Variants in KRT25 observed in about 807,000 individuals in gnomAD.
KRT25 encodes the protein keratin 25, also known as keratin, type I cytoskeletal 25.
KRT25 carries 37 observed loss-of-function variants against 47.6 expected under a neutral mutation model. The ratio of observed to expected loss-of-function variants is 0.78; its 90% confidence interval spans 0.60 to 1.02. The LOEUF (loss-of-function observed/expected upper bound fraction) is 1.02, where lower values mean the gene tolerates loss of function less well. Ranked by LOEUF, KRT25 falls within the 50% of genes least tolerant of loss-of-function variation. The probability of loss-of-function intolerance (pLI) is 0.00; values close to 1 mark genes in which losing one functional copy is unlikely to be tolerated. For missense variants in KRT25, 542 were observed against 550.3 expected (o/e 0.98, Z 0.15); for synonymous variants, 203 against 210.2 (o/e 0.97, Z 0.30).
In KRT25 at chr17:40,754,487, CTT is replaced by C; in HGVS notation, c.430-21_430-20del. 1 of 1,602,090 alleles carries C rather than the reference CTT, an allele frequency of 6.2e-7. No individual in the cohort carries two copies. Among genetic ancestry groups the C allele is most frequent in the Middle Eastern group, 1.7e-4 (1 of 6,038 alleles). On this transcript the variant is annotated intron_variant, in intron 1 of 7. Coordinates refer to ENST00000312150, the MANE Select transcript of KRT25 (RefSeq NM_181534.4). ...CGATGATCTAGAAATGGGAATTTGA[CTT>C]TTATCATGAAGTAAACCAACTGAAT...
rs376170685 is a variant in KRT25 at position 40,751,059 on chromosome 17, C to G, written c.852G>C (p.Gln284His). The change falls in exon 5 of 8, where the codon CAG (glutamine) becomes CAC (histidine). Residue 284 changes from glutamine (Q) to histidine (H), a missense_variant. Physicochemically the swap from Gln to His is conservative, Grantham distance 24. Transcript: ENST00000312150. ...FNEKSASLQQ[Q>H]ISEDVGATTS... ...TTGTGGCTCCGACATCCTCAGAGAT[C>G]TGCTGCTGCAGGGAGGCGCTCTGAA... 1 of 1,614,062 alleles carries G rather than the reference C, an allele frequency of 6.2e-7. No homozygotes were observed. Among genetic ancestry groups the G allele is most frequent in the Non-Finnish European group, 8.5e-7 (1 of 1,180,038 alleles).
intron 3 of KRT25, among the ~76,000 whole-genome samples, chr17:40,752,878 C>T (rs2038063258): frequency 6.6e-6 from 1 of 152,108 alleles, no homozygotes; most frequent in South Asian, 2.1e-4. Flanking sequence ...TTTAAAATAT[C>T]AAATTTATTT....
At chr17:40,751,933 C>A (rs2038054577) in intron 3 of KRT25, among the ~76,000 whole-genome samples, 1 of 151,026 alleles carries the variant, frequency 6.6e-6, no homozygotes, top group South Asian at 2.1e-4. Flanking sequence ...GGAAGAACAT[C>A]ATCCCCTAAA....
upstream of KRT25, chr17:40,755,368 T>A (rs1256937749): frequency 9.0e-7 from 1 of 1,112,106 alleles, no homozygotes; most frequent in African/African-American, 1.6e-5. Context: ...TATAGGCAAG[T>A]CCCAAGTGTG....
In KRT25 at chr17:40,753,683, C is replaced by CA. The variant is rs60610884; in HGVS notation, c.669+176dup. Among the ~76,000 whole-genome samples, 31 of 30,466 alleles carry CA rather than the reference C, an allele frequency of 1.0e-3. 7 individuals carry two copies. The highest frequency in any genetic ancestry group is 1.3e-3 in the Non-Finnish European group (19 of 14,890). 20.0% of individuals were successfully genotyped at this position (30,466 alleles called of 152,430 possible). ...TGGACGGCAGAGCGAGACTCCGTCT[C>CA]AAAAAAAAAAAAAAAAAAAAAAAAA... On this transcript the variant is annotated intron_variant, in intron 3 of 7. Coordinates refer to ENST00000312150, the MANE Select transcript of KRT25 (RefSeq NM_181534.4).
rs879393037 is a variant in KRT25 at position 40,751,889 on chromosome 17, T to C, written c.670-563A>G. On this transcript the variant is annotated intron_variant, in intron 3 of 7. Coordinates refer to ENST00000312150, the MANE Select transcript of KRT25 (RefSeq NM_181534.4). Reference sequence around the variant, plus strand: ...GTGTGTGTGTGTGTGCGTGCGTGTGTGTGTGTGTGTGTGTGTGTGTGTGTA... The same window carrying C: ...GTGTGTGTGTGTGTGCGTGCGTGTGCGTGTGTGTGTGTGTGTGTGTGTGTA... 8.4e-3 allele frequency among the ~76,000 whole-genome samples: 621 copies of C among 73,600 alleles called. 1 individual carries two copies. Among genetic ancestry groups the C allele is most frequent in the African/African-American group, 0.015 (495 of 33,590 alleles). The allele number at this position is 73,600 out of a possible 152,430, so 48.3% of individuals were successfully genotyped here.
intron 6 of KRT25, 41 bp downstream of exon 6, chr17:40,750,339 T>G (rs769374668): frequency 1.3e-5 from 20 of 1,598,646 alleles, no homozygotes; most frequent in Admixed American, 1.7e-5. Context: ...TGCAAGCAGA[T>G]TTCAGTATAT....
Position 40,748,211 on chromosome 17 carries a change from G to T in KRT25, c.*66C>A. 1 of 1,048,326 alleles carries T rather than the reference G, an allele frequency of 9.5e-7. No individual in the cohort carries two copies. Among genetic ancestry groups the T allele is most frequent in the South Asian group, 1.5e-5 (1 of 64,624 alleles). The allele number at this position is 1,048,326 out of a possible 1,614,324, so 64.9% of individuals were successfully genotyped here. A position where few individuals can be genotyped will look rare whatever the true frequency, so the allele number is the denominator to read the frequency against. On this transcript the variant is annotated 3_prime_UTR_variant, in exon 8 of 8. Transcript: ENST00000312150. Reference sequence around the variant, plus strand: ...TTTTCTTAGACATGCACATTTTTCTGGACAGATACATAATGCCTTTTCTTC... The same window carrying T: ...TTTTCTTAGACATGCACATTTTTCTTGACAGATACATAATGCCTTTTCTTC...
rs1567661663 is a variant in KRT25 at position 40,750,951 on chromosome 17, T to C, written c.957+3A>G. ...TGGTGAAAAAAAATTGTTCTTTTCA[T>C]ACCGTGGCTAGGAGAGACTGAAGTT... On this transcript the variant is annotated splice_donor_region_variant and intron_variant, in intron 5 of 7. Transcript: ENST00000312150. 6.2e-7 allele frequency: 1 copy of C among 1,613,732 alleles called. No individual in the cohort carries two copies. Among genetic ancestry groups the C allele is most frequent in the Non-Finnish European group, 8.5e-7 (1 of 1,179,696 alleles).
At position 40,749,264 on chromosome 17, in the gene KRT25, C is replaced by A; in HGVS notation, c.1237G>T (p.Val413Phe). 1 of 1,611,624 alleles carries A rather than the reference C, an allele frequency of 6.2e-7. No homozygotes were observed. The highest frequency in any genetic ancestry group is 8.5e-7 in the Non-Finnish European group (1 of 1,177,778). Residue 413 changes from valine (V) to phenylalanine (F), a missense_variant, in exon 7 of 8, where the codon GTC (valine) becomes TTC (phenylalanine). Transcript: ENST00000312150. ...DYGSGNVGSQ[V>F]KDPAKAIVVK... ...CAGATTTCATTTTAATTACCTTTGA[C>A]TTGACTTCCCACATTTCCAGATCCA...
In KRT25 at chr17:40,755,110, C is replaced by T. The variant is rs777094845; in HGVS notation, c.162G>A (p.Ser54=). The T allele has an allele frequency of 9.3e-6, 15 of 1,614,032 alleles. No homozygotes were observed. Among genetic ancestry groups the T allele is most frequent in the African/African-American group, 2.7e-5 (2 of 74,922 alleles). The change falls in exon 1 of 8, where the codon TCG becomes TCA. Residue 54 remains serine, a synonymous_variant. Coordinates refer to ENST00000312150, the MANE Select transcript of KRT25 (RefSeq NM_181534.4). ...GATTACCTCCCCCTGTGTTTCCTCC[C>T]GATGAGCTGCCTCCGAAGGCACTAG... ...GFSSAFGGSS[S]GGNTGGGNPC... is the part of the protein sequence containing the mutation.
At chr17:40,748,413 T>A in intron 7 of KRT25, 27 bp from the exon 8 acceptor site, 1 of 1,380,824 alleles carries the variant, frequency 7.2e-7, no homozygotes, top group Non-Finnish European at 1.0e-6. Context: ...AAAAGGAGAT[T>A]TTATGTAGTT....
chr17:40,752,073 C>A (rs1039577125), intron 3 of KRT25, among the ~76,000 whole-genome samples: 1 of 151,998 alleles, frequency 6.6e-6, no homozygotes, highest in African/African-American at 2.4e-5. Flanking sequence ...GTTGCTTAAC[C>A]TTTTTACGTT....
Position 40,754,375 on chromosome 17 carries a change from A to T in KRT25, c.512+11T>A. On this transcript the variant is annotated intron_variant, in intron 2 of 7. Coordinates refer to ENST00000312150, the MANE Select transcript of KRT25 (RefSeq NM_181534.4). ...TGCCATGAATTCATTTCACTCTGGC[A>T]GTCTACTTACTTGAGTCTGAAATCA... 1 of 1,606,768 alleles carries T rather than the reference A, an allele frequency of 6.2e-7. No homozygotes were observed. Among genetic ancestry groups the T allele is most frequent in the Non-Finnish European group, 8.5e-7 (1 of 1,173,488 alleles).
rs1037657733 is a variant in KRT25 at position 40,750,546 on chromosome 17, G to C, written c.1009C>G (p.Gln337Glu). 3 of 1,614,130 alleles carry C rather than the reference G, an allele frequency of 1.9e-6. No individual in the cohort carries two copies. The African/African-American group carries it at 4.0e-5, about 22-fold the overall frequency. Reference sequence around the variant, plus strand: ...ATCTGAGCCTGGATCTGCGCCAGCTGCGCACAGTAGTTGCTCTCGGTCTCT... The same window carrying C: ...ATCTGAGCCTGGATCTGCGCCAGCTCCGCACAGTAGTTGCTCTCGGTCTCT... ...LTETESNYCA[Q>E]LAQIQAQIGA... The change falls in exon 6 of 8, where the codon CAG becomes GAG. Residue 337 changes from glutamine (Q) to glutamate (E), a missense_variant. Transcript: ENST00000312150.
At chr17:40,755,426 C>T, upstream of KRT25, 1 of 675,998 alleles carries the variant, frequency 1.5e-6, no homozygotes, top group Admixed American at 3.1e-5. Context: ...GCTTGCCAGT[C>T]TCAGCAAGTT....
rs1020735837 is a variant in KRT25, at chr17:40,748,233, C to T, written c.*44G>A. 1.5e-6 allele frequency: 2 copies of T among 1,305,122 alleles called. No homozygotes were observed. The highest frequency in any genetic ancestry group is 2.4e-5 in the East Asian group (1 of 42,014). 80.8% of individuals were successfully genotyped at this position (1,305,122 alleles called of 1,614,324 possible). A position where few individuals can be genotyped will look rare whatever the true frequency, so the allele number is the denominator to read the frequency against. On this transcript the variant is annotated 3_prime_UTR_variant, in exon 8 of 8. Coordinates refer to ENST00000312150, the MANE Select transcript of KRT25 (RefSeq NM_181534.4). The stretch of plus-strand genomic sequence containing the variant: ...TCTGGACAGATACATAATGCCTTTT[C>T]TTCGCAGGGGCTATGTGGCATACGT...
At chr17:40,748,924 T>C (rs571038845) in intron 7 of KRT25, among the ~76,000 whole-genome samples, 1 of 152,322 alleles carries the variant, frequency 6.6e-6, no homozygotes, top group East Asian at 1.9e-4. Flanking sequence ...AGCTGGAGGC[T>C]ATCATCCTTA....
rs577772256 is a variant in KRT25, at chr17:40,752,353, T to G, written c.670-1027A>C. ...GAATGGTAGGCATCGCTGCGAAGAC[T>G]GTGTATATTGGAATACCACCCATCA... On this transcript the variant is annotated intron_variant, in intron 3 of 7. Coordinates refer to ENST00000312150, the MANE Select transcript of KRT25 (RefSeq NM_181534.4). Among the ~76,000 whole-genome samples the G allele has an allele frequency of 2.4e-4, 36 of 152,328 alleles. No individual in the cohort carries two copies. In the South Asian group the frequency reaches 4.6e-3, roughly 19 times the overall value.
Sources: allele counts gnomAD v4.1 joint callset (sites outside exome capture counted in the v4.1 genomes callset), GRCh38; gene constraint gnomAD v4.1.1; transcripts MANE v1.5; gene names NCBI Gene and HGNC (gene_info 2026-07-23, HGNC 2026-07-21).